SCN2A: variants seen among roughly 807,000 people sequenced by gnomAD.
The protein encoded by SCN2A is sodium voltage-gated channel alpha subunit 2.
In SCN2A, 20 loss-of-function variants were observed where a neutral mutation model predicts 188.7. That is an observed-to-expected ratio of 0.11 (90% CI 0.07 to 0.15). The LOEUF (loss-of-function observed/expected upper bound fraction) is 0.15. Among genes scored for constraint, SCN2A ranks in the 10% least tolerant of loss-of-function variants. The pLI, the probability that SCN2A is intolerant of heterozygous loss-of-function variation, is 1.00. For missense variants in SCN2A, 1,278 were observed against 2,445.0 expected, an observed-to-expected ratio of 0.52 and a Z score of 10.07; for synonymous variants, 804 against 833.1, an observed-to-expected ratio of 0.97 and a Z score of 0.60.
chr2:165,274,029 A>G (rs1212347344), intron 1 of SCN2A: 2 of 152,134 alleles, frequency 1.3e-5, no homozygotes, highest in African/African-American at 2.4e-5. Flanking sequence ...GTGCACATGG[A>G]TAGAGATGCT....
chr2:165,347,586 T>A (rs1367789531), intron 16 of SCN2A, among the ~76,000 whole-genome samples: 1 of 151,850 alleles, frequency 6.6e-6, no homozygotes, highest in East Asian at 1.9e-4. Flanking sequence ...AAACTTAGAG[T>A]ATAATAATAA....
Position 165,374,547 on chromosome 2 carries a change from C to G in SCN2A, c.3973-138C>G, listed in dbSNP as rs1436492483. The G allele has an allele frequency of 9.7e-6, 8 of 826,442 alleles. No homozygotes were observed. In the East Asian group the frequency reaches 2.1e-4, roughly 22 times the overall value. 51.2% of individuals were successfully genotyped at this position (826,442 alleles called of 1,614,324 possible). A position where few individuals can be genotyped will look rare whatever the true frequency, so the allele number is the denominator to read the frequency against. On this transcript the variant is annotated intron_variant, in intron 21 of 26. Coordinates refer to ENST00000375437, the MANE Select transcript of SCN2A (RefSeq NM_001040142.2). ...TTTTAAAATTCTTAGTTGGAGCTAC[C>G]AGAGTCTAGTTTCTACCCAATATTC...
At chr2:165,384,482 G>A (rs1211151238) in intron 25 of SCN2A, among the ~76,000 whole-genome samples, 1 of 152,096 alleles carries the variant, frequency 6.6e-6, no homozygotes, top group Non-Finnish European at 1.5e-5. Context: ...TGAGATGTCT[G>A]TCTCATTGGA....
chr2:165,289,214 T>C (rs1239339704), intron 1 of SCN2A, among the ~76,000 whole-genome samples: 1 of 152,084 alleles, frequency 6.6e-6, no homozygotes, highest in Non-Finnish European at 1.5e-5. Context: ...ACAATGTTTA[T>C]TACTACATAC....
intron 14 of SCN2A, among the ~76,000 whole-genome samples, chr2:165,335,979 T>TA (rs780254152): frequency 4.9e-4 from 74 of 151,926 alleles, no homozygotes; most frequent in Non-Finnish European, 9.1e-4. Context: ...AAAAGGCCAA[T>TA]AAGCACATAA....
chr2:165,344,088 C>T (rs1193161028), intron 15 of SCN2A, among the ~76,000 whole-genome samples: 1 of 152,098 alleles, frequency 6.6e-6, no homozygotes, highest in Non-Finnish European at 1.5e-5. Flanking sequence ...TAATTAACCA[C>T]CATTAATCTG....
rs191968084 is a variant in SCN2A, at chr2:165,288,913, A to G, written c.-51-6860A>G. On this transcript the variant is annotated intron_variant, in intron 1 of 26. Transcript: ENST00000375437. ...TATTTAGCAAATCTTTTATTGGTTTATGTTTACATTACTGTAATGTACCAA... is the reference window on the plus strand; with the variant it reads ...TATTTAGCAAATCTTTTATTGGTTTGTGTTTACATTACTGTAATGTACCAA... 2.6e-4 allele frequency among the ~76,000 whole-genome samples: 40 copies of G among 152,248 alleles called. No individual in the cohort carries two copies. In the East Asian group the frequency reaches 7.1e-3, roughly 27 times the overall value.
intron 1 of SCN2A, among the ~76,000 whole-genome samples, chr2:165,250,036 A>G (rs1299887354): frequency 2.0e-5 from 3 of 150,494 alleles, no homozygotes; most frequent in Admixed American, 6.6e-5. Flanking sequence ...CATGCAGCAT[A>G]TACTTCCATT....
chr2:165,324,008 C>T (rs1698221778), intron 12 of SCN2A, among the ~76,000 whole-genome samples: 1 of 152,130 alleles, frequency 6.6e-6, no homozygotes, highest in African/African-American at 2.4e-5. Flanking sequence ...CTCTAATGAT[C>T]TCAACCATTG....
intron 17 of SCN2A, among the ~76,000 whole-genome samples, chr2:165,361,220 C>T: frequency 6.6e-6 from 1 of 151,846 alleles, no homozygotes; most frequent in East Asian, 1.9e-4. Flanking sequence ...TTAAAGAAAA[C>T]TTTTTGTTCA....
chr2:165,291,491 T>TTTCTTTCTTTCTTTTCTTTCTTTCTTTTC (rs1389976633), intron 1 of SCN2A, among the ~76,000 whole-genome samples: 30 of 38,830 alleles, frequency 7.7e-4, no homozygotes, highest in Admixed American at 1.1e-3. Context: ...TCTTTCTTTC[T>TTTCTTTCTTTCTTTTCTTTCTTTCTTTTC]TTTCTTTCTT....
chr2:165,258,444 A>G (rs1244811061), intron 1 of SCN2A, among the ~76,000 whole-genome samples: 4 of 152,144 alleles, frequency 2.6e-5, no homozygotes, highest in African/African-American at 9.7e-5. Flanking sequence ...TGCTTGCTGG[A>G]GAGATTGCAG....
intron 17 of SCN2A, 30 bp downstream of exon 17, chr2:165,354,701 G>T: frequency 6.2e-7 from 1 of 1,606,638 alleles, no homozygotes; most frequent in South Asian, 1.1e-5. Flanking sequence ...GAGATATTTT[G>T]GTGTTATATA....
chr2:165,289,165 G>A (rs1308334372), intron 1 of SCN2A, among the ~76,000 whole-genome samples: 2 of 151,884 alleles, frequency 1.3e-5, no homozygotes, highest in Non-Finnish European at 2.9e-5. Context: ...TCTAGAGCAT[G>A]TATTATTAAT....
intron 12 of SCN2A, among the ~76,000 whole-genome samples, 171 bp from the exon 13 acceptor site, chr2:165,326,680 AC>A (rs1698375454): frequency 6.6e-6 from 1 of 152,182 alleles, no homozygotes; most frequent in Non-Finnish European, 1.5e-5. Flanking sequence ...TGAAAATCTG[AC>A]AGACTTTTAA....
At chr2:165,328,549 A>G in intron 13 of SCN2A, 1 of 974,432 alleles carries the variant, frequency 1.0e-6, no homozygotes, top group Non-Finnish European at 1.2e-6. Flanking sequence ...GTAAGTCTAA[A>G]TCAACAGTCA....
At chr2:165,359,213 G>GT (rs1559387152) in intron 17 of SCN2A, among the ~76,000 whole-genome samples, 1 of 152,044 alleles carries the variant, frequency 6.6e-6, no homozygotes, top group Admixed American at 6.6e-5. Context: ...TCCAAGATGC[G>GT]TAATTGTTTA....
chr2:165,328,639 C>T (rs1230328911), intron 13 of SCN2A: 2 of 329,146 alleles, frequency 6.1e-6, no homozygotes, highest in African/African-American at 4.5e-5. Flanking sequence ...CAAGATTGGA[C>T]TTGCCAACTA....
intron 1 of SCN2A, among the ~76,000 whole-genome samples, chr2:165,279,885 C>T (rs1695510076): frequency 6.6e-6 from 1 of 152,116 alleles, no homozygotes; most frequent in Admixed American, 6.5e-5. Flanking sequence ...GTCTCCCGTG[C>T]TGTTCTTGTG....
Sources: allele counts gnomAD v4.1 joint callset (sites outside exome capture counted in the v4.1 genomes callset), GRCh38; gene constraint gnomAD v4.1.1; transcripts MANE v1.5; gene names NCBI Gene and HGNC (gene_info 2026-07-23, HGNC 2026-07-21).